SUGCT: variants seen among roughly 807,000 people sequenced by gnomAD.
SUGCT encodes the protein succinyl-CoA:glutarate-CoA transferase, also known as succinyl-CoA:glutarate CoA-transferase.
Under a neutral mutation model 55.0 loss-of-function variants are expected in SUGCT, and 41 were observed. The ratio of observed to expected loss-of-function variants is 0.74; its 90% CI spans 0.58 to 0.97. The LOEUF is 0.97. Among genes scored for constraint, SUGCT ranks in the 50% least tolerant of loss-of-function variants. The pLI, the probability that SUGCT is intolerant of heterozygous loss-of-function variation, is 0.00. For synonymous variants in SUGCT, 187 were observed against 200.4 expected (o/e 0.93, Z 0.56); for missense variants, 568 against 547.8 (o/e 1.04, Z -0.37).
intron 13 of SUGCT, among the ~76,000 whole-genome samples, chr7:40,802,405 T>C (rs1563014001): frequency 6.6e-6 from 1 of 152,164 alleles, no homozygotes; most frequent in Non-Finnish European, 1.5e-5. Context: ...CAAAATGGCA[T>C]TTAAAACCCC....
At chr7:40,283,997 G>A (rs1310878237) in intron 8 of SUGCT, among the ~76,000 whole-genome samples, 1 of 152,118 alleles carries the variant, frequency 6.6e-6, no homozygotes, top group Non-Finnish European at 1.5e-5. Flanking sequence ...CCTGTCATTT[G>A]CAACAAGACA....
At chr7:40,283,853 T>G (rs1360990386) in intron 8 of SUGCT, among the ~76,000 whole-genome samples, 1 of 152,146 alleles carries the variant, frequency 6.6e-6, no homozygotes, top group Non-Finnish European at 1.5e-5. Context: ...ATCAGTATGT[T>G]GAATAAATAT....
chr7:41,036,200 A>C, the SUGCT span, among the ~76,000 whole-genome samples: 1 of 152,218 alleles, frequency 6.6e-6, no homozygotes, highest in East Asian at 1.9e-4. Context: ...GAGCGAGTGC[A>C]TGGGCGAATG....
At chr7:40,202,129 C>T (rs115398941) in intron 6 of SUGCT, among the ~76,000 whole-genome samples, 2,158 of 152,196 alleles carry the variant, frequency 0.014, 44 homozygotes, top group African/African-American at 0.05. Flanking sequence ...CATGCCACCA[C>T]GCCCGGATAG....
the SUGCT span, among the ~76,000 whole-genome samples, chr7:40,977,458 C>A: frequency 6.6e-6 from 1 of 152,196 alleles, no homozygotes; most frequent in Non-Finnish European, 1.5e-5. Flanking sequence ...ATTTGCAAAG[C>A]AACTTGTATG....
the SUGCT span, among the ~76,000 whole-genome samples, chr7:40,983,377 T>C: frequency 2.0e-5 from 3 of 152,222 alleles, no homozygotes; most frequent in Non-Finnish European, 4.4e-5. Flanking sequence ...TTCTCTCCCC[T>C]TCTTGGTGAT....
At chr7:40,910,627 AT>A in the SUGCT span, among the ~76,000 whole-genome samples, 2 of 152,090 alleles carry the variant, frequency 1.3e-5, no homozygotes, top group African/African-American at 4.8e-5. Context: ...TGACAGTGTT[AT>A]TTTGGTGACT....
chr7:40,617,314 T>G (rs1283094559), intron 12 of SUGCT, among the ~76,000 whole-genome samples: 1 of 152,154 alleles, frequency 6.6e-6, no homozygotes, highest in Non-Finnish European at 1.5e-5. Flanking sequence ...GAATAAGATC[T>G]CCTCCAAAGT....
the SUGCT span, among the ~76,000 whole-genome samples, chr7:40,954,165 C>T: frequency 6.6e-6 from 1 of 152,212 alleles, no homozygotes. Context: ...GTGCCCCTCC[C>T]CCAGCCTTGC....
At chr7:40,957,206 T>C in the SUGCT span, among the ~76,000 whole-genome samples, 1 of 152,182 alleles carries the variant, frequency 6.6e-6, no homozygotes, top group Non-Finnish European at 1.5e-5. Flanking sequence ...CAGTCTAATA[T>C]TGACAGTGGG....
chr7:40,898,009 G>C, the SUGCT span, among the ~76,000 whole-genome samples: 4 of 152,220 alleles, frequency 2.6e-5, no homozygotes, highest in African/African-American at 9.6e-5. Flanking sequence ...TTCCCTTCCG[G>C]TGTGAAAGGT....
chr7:40,449,438 C>T, intron 10 of SUGCT, 80 bp downstream of exon 10: 1 of 961,722 alleles, frequency 1.0e-6, no homozygotes, highest in Non-Finnish European at 1.7e-6. Flanking sequence ...TCACAACCAA[C>T]TTAGGCCCCC....
chr7:40,303,607 C>T (rs1052133862), intron 8 of SUGCT, among the ~76,000 whole-genome samples: 1 of 152,140 alleles, frequency 6.6e-6, no homozygotes, highest in Non-Finnish European at 1.5e-5. Flanking sequence ...CCTCAGCCTC[C>T]TGAGTAGATG....
intron 13 of SUGCT, among the ~76,000 whole-genome samples, chr7:40,847,286 C>A (rs962461447): frequency 2.0e-5 from 3 of 152,090 alleles, no homozygotes; most frequent in African/African-American, 7.2e-5. Context: ...TTGACAGGTA[C>A]CCAGGCTGGT....
At chr7:40,202,678 G>T (rs893512271) in intron 6 of SUGCT, among the ~76,000 whole-genome samples, 2 of 152,096 alleles carry the variant, frequency 1.3e-5, no homozygotes, top group Non-Finnish European at 2.9e-5. Flanking sequence ...AAGTTCTGTA[G>T]GTGGCTCTCT....
intron 12 of SUGCT, among the ~76,000 whole-genome samples, chr7:40,701,317 C>G (rs565477087): frequency 6.6e-6 from 1 of 152,326 alleles, no homozygotes; most frequent in East Asian, 1.9e-4. Flanking sequence ...GCACTCCTAT[C>G]TCAGCCACGG....
chr7:40,413,627 A>G (rs1786811623), intron 9 of SUGCT, among the ~76,000 whole-genome samples: 1 of 152,170 alleles, frequency 6.6e-6, no homozygotes, highest in Non-Finnish European at 1.5e-5. Flanking sequence ...CTCACTCCAC[A>G]TACAGTATTA....
intron 9 of SUGCT, among the ~76,000 whole-genome samples, chr7:40,387,046 C>T (rs1342828795): frequency 6.6e-6 from 1 of 152,142 alleles, no homozygotes. Context: ...TCTCTTAGGC[C>T]ACTTCTGTGG....
chr7:40,944,600 G>T, the SUGCT span, among the ~76,000 whole-genome samples: 3 of 152,136 alleles, frequency 2.0e-5, no homozygotes, highest in East Asian at 5.8e-4. Context: ...TAGATATGCG[G>T]TGTTATTTCT....
Sources: allele counts gnomAD v4.1 joint callset (sites outside exome capture counted in the v4.1 genomes callset), GRCh38; gene constraint gnomAD v4.1.1; transcripts MANE v1.5; gene names NCBI Gene and HGNC (gene_info 2026-07-23, HGNC 2026-07-21).